The following ASCC2 variants were observed in gnomAD, a reference collection of about 807,000 sequenced individuals.
ASCC2 encodes activating signal cointegrator 1 complex subunit 2, also known as ASC-1 complex subunit P100.
ASCC2 carries 42 observed loss-of-function variants against 93.5 expected under a neutral mutation model. The observed-to-expected ratio is 0.45, with a 90% CI of 0.35 to 0.58. The LOEUF (loss-of-function observed/expected upper bound fraction) is 0.58. Ranked by LOEUF, ASCC2 falls within the 20% of genes least tolerant of loss-of-function variation. The probability of loss-of-function intolerance (pLI) is 0.00; values close to 1 mark genes in which losing one functional copy is unlikely to be tolerated. For synonymous variants in ASCC2, 364 were observed against 384.2 expected (o/e 0.95, Z 0.62); for missense variants, 859 against 977.6 (o/e 0.88, Z 1.62).
rs377394677 is a variant in ASCC2 at position 29,806,825 on chromosome 22, T to C, written c.988A>G (p.Ile330Val). Residue 330 changes from isoleucine to valine, a missense_variant, in exon 10 of 20, where the codon ATC becomes GTC. Ile to Val is a conservative substitution (Grantham distance 29). Coordinates refer to ENST00000307790, the MANE Select transcript of ASCC2 (RefSeq NM_032204.5). ...CTTTCTAGGATGGGAAGGAGGCAGATCTGGTTCAGGATGATGTGGAAAATC... is the reference window on the plus strand; with the variant it reads ...CTTTCTAGGATGGGAAGGAGGCAGACCTGGTTCAGGATGATGTGGAAAATC... ...MEIFHIILNQ[I>V]CLLPILESSC... is the part of the protein sequence containing the mutation. 21 of 1,613,620 alleles carry C rather than the reference T, an allele frequency of 1.3e-5. No homozygotes were observed. In the Middle Eastern group the frequency reaches 6.6e-4, roughly 51 times the overall value.
intron 2 of ASCC2, among the ~76,000 whole-genome samples, chr22:29,826,971 G>A (rs1395299154): frequency 1.3e-5 from 2 of 151,512 alleles, no homozygotes; most frequent in South Asian, 2.1e-4. Flanking sequence ...GGTGGCGGGC[G>A]CCTGTAGTCC....
chr22:29,809,948 G>C (rs12628545), intron 8 of ASCC2: 3 of 151,604 alleles, frequency 2.0e-5, no homozygotes, highest in Admixed American at 2.0e-4. Flanking sequence ...TATCTGTCAC[G>C]GTATACAGCC....
At chr22:29,816,525 G>C (rs2060870672) in intron 5 of ASCC2, 1 of 153,210 alleles carries the variant, frequency 6.5e-6, no homozygotes, top group Non-Finnish European at 1.5e-5. Context: ...AATAATATGA[G>C]GAGATTCCAG....
intron 5 of ASCC2, among the ~76,000 whole-genome samples, chr22:29,817,844 A>C (rs1021020302): frequency 6.6e-6 from 1 of 152,182 alleles, no homozygotes; most frequent in Admixed American, 6.5e-5. Context: ...CATCCTTTGA[A>C]ATGTCCCTTC....
intron 2 of ASCC2, among the ~76,000 whole-genome samples, chr22:29,828,509 T>C (rs539886499): frequency 6.6e-6 from 1 of 152,348 alleles, no homozygotes; most frequent in South Asian, 2.1e-4. Context: ...AGCCAAAGCT[T>C]ACACTGCAGA....
rs373236723 is a variant in ASCC2 at position 29,812,466 on chromosome 22, C to T, written c.833+964G>A. Among the ~76,000 whole-genome samples the T allele has an allele frequency of 7.2e-5, 11 of 152,334 alleles. 1 individual carries two copies. The East Asian group carries it at 9.6e-4, about 13-fold the overall frequency. On this transcript the variant is annotated intron_variant, in intron 8 of 19. Transcript: ENST00000307790. ...CTCATATTCTCTTTCATATCTGTCT[C>T]CCTCCCACCAGGATCTTTCTAACAG...
chr22:29,790,930 C>T (rs1226678459), intron 18 of ASCC2, among the ~76,000 whole-genome samples: 1 of 152,152 alleles, frequency 6.6e-6, no homozygotes, highest in Non-Finnish European at 1.5e-5. Flanking sequence ...GCTAAGTGGT[C>T]CCGGGAGCTG....
intron 9 of ASCC2, 49 bp downstream of exon 9, chr22:29,808,062 C>CG: frequency 6.3e-7 from 1 of 1,590,658 alleles, no homozygotes; most frequent in Non-Finnish European, 8.6e-7. Flanking sequence ...GGGCCCTGCT[C>CG]GGGCCTCTCT....
chr22:29,789,818 T>A (rs139347883), intron 19 of ASCC2, among the ~76,000 whole-genome samples: 1 of 152,224 alleles, frequency 6.6e-6, no homozygotes, highest in Non-Finnish European at 1.5e-5. Context: ...AGGGCCGGGA[T>A]GCGGGAGTGG....
At chr22:29,811,279 G>T (rs1194114650) in intron 8 of ASCC2, among the ~76,000 whole-genome samples, 10 of 152,122 alleles carry the variant, frequency 6.6e-5, no homozygotes, top group Admixed American at 6.5e-4. Context: ...GCTCATATGT[G>T]CATATATTCT....
intron 15 of ASCC2, among the ~76,000 whole-genome samples, chr22:29,799,903 T>G (rs2058879581): frequency 6.6e-6 from 1 of 152,202 alleles, no homozygotes; most frequent in Non-Finnish European, 1.5e-5. Context: ...TCTTACTGCC[T>G]CAGCCTCCAG....
intron 18 of ASCC2, 58 bp from the exon 19 acceptor site, chr22:29,790,606 G>A (rs766672008): frequency 3.6e-5 from 55 of 1,540,124 alleles, no homozygotes; most frequent in African/African-American, 2.0e-4. Context: ...TTTCCTAAGC[G>A]GCGATGAGGC....
chr22:29,789,969 C>T (rs1051876819), intron 19 of ASCC2, among the ~76,000 whole-genome samples: 2 of 152,198 alleles, frequency 1.3e-5, no homozygotes, highest in Non-Finnish European at 2.9e-5. Flanking sequence ...CTCCTGACCA[C>T]GCCTGCTTTC....
intron 2 of ASCC2, among the ~76,000 whole-genome samples, chr22:29,828,396 A>T (rs972851716): frequency 2.6e-5 from 4 of 152,176 alleles, no homozygotes; most frequent in African/African-American, 9.7e-5. Context: ...AACTATTTAA[A>T]AGAGACATAG....
chr22:29,828,244 G>A (rs1405263408), intron 2 of ASCC2, among the ~76,000 whole-genome samples: 1 of 152,158 alleles, frequency 6.6e-6, no homozygotes, highest in Non-Finnish European at 1.5e-5. Context: ...TAACAAAAGG[G>A]CACAGATTGC....
At chr22:29,823,584 G>A (rs184406737) in intron 4 of ASCC2, among the ~76,000 whole-genome samples, 8 of 152,100 alleles carry the variant, frequency 5.3e-5, no homozygotes, top group Non-Finnish European at 8.8e-5. Flanking sequence ...GCGATGGCTC[G>A]CGCCGGTAAT....
rs1423547828 is a variant in ASCC2 at position 29,833,402 on chromosome 22, G to A, written c.-17-1060C>T. 18 of 348,624 alleles carry A rather than the reference G, an allele frequency of 5.2e-5. No homozygotes were observed. In the Admixed American group the frequency reaches 7.2e-4, roughly 14 times the overall value. 21.6% of individuals were successfully genotyped at this position (348,624 alleles called of 1,614,324 possible). A position where few individuals can be genotyped will look rare whatever the true frequency, so the allele number is the denominator to read the frequency against. ...GGCTTCAGGGAAGAAGTACGTGGAA[G>A]AATAGAACGACATGAGAAGAAGGGA... is the stretch of plus-strand genomic sequence containing the variant. On this transcript the variant is annotated intron_variant, in intron 1 of 19. Coordinates refer to ENST00000307790, the MANE Select transcript of ASCC2 (RefSeq NM_032204.5).
chr22:29,823,260 A>G (rs1416214697), intron 4 of ASCC2, among the ~76,000 whole-genome samples: 1 of 152,030 alleles, frequency 6.6e-6, no homozygotes, highest in African/African-American at 2.4e-5. Context: ...GCTGGTCTCG[A>G]ACTCCTGACC....
chr22:29,827,948 GACAC>G (rs5844874), intron 2 of ASCC2, among the ~76,000 whole-genome samples: 1,010 of 74,378 alleles, frequency 0.014, 259 homozygotes, highest in African/African-American at 0.037. Context: ...TCATTCTTCT[GACAC>G]ACACACACAC....
Sources: allele counts gnomAD v4.1 joint callset (sites outside exome capture counted in the v4.1 genomes callset), GRCh38; gene constraint gnomAD v4.1.1; transcripts MANE v1.5; gene names NCBI Gene and HGNC (gene_info 2026-07-23, HGNC 2026-07-21).